The following MAL variants were observed in gnomAD, a reference collection of about 807,000 sequenced individuals.
The protein encoded by MAL is myelin and lymphocyte protein.
Under a neutral mutation model 16.7 loss-of-function variants are expected in MAL, and 5 were observed. That is an observed-to-expected ratio of 0.30 (90% CI 0.16 to 0.63). The LOEUF is 0.63. Ranked by LOEUF, MAL falls within the 30% of genes least tolerant of loss-of-function variation. The pLI, the probability that MAL is intolerant of heterozygous loss-of-function variation, is 0.82. For synonymous variants in MAL, 96 were observed against 85.5 expected, an observed-to-expected ratio of 1.12 and a Z score of -0.67; for missense variants, 202 against 195.8, an observed-to-expected ratio of 1.03 and a Z score of -0.19.
In MAL at chr2:95,038,236, C is replaced by T. The variant is rs1445012118; in HGVS notation, c.94-9723C>T. On this transcript the variant is annotated intron_variant, in intron 1 of 3. Coordinates refer to ENST00000309988, the MANE Select transcript of MAL (RefSeq NM_002371.4). ...ACTCAGTGAGTGAGTGACTGAGTGA[C>T]TGAGTGTGTGAGTGACTGACTGAGT... Among the ~76,000 whole-genome samples the T allele has an allele frequency of 7.6e-5, 8 of 105,722 alleles. 1 individual carries two copies. Among genetic ancestry groups the T allele is most frequent in the African/African-American group, 2.1e-4 (6 of 28,612 alleles). The allele number at this position is 105,722 out of a possible 152,430, so 69.4% of individuals were successfully genotyped here. A position where few individuals can be genotyped will look rare whatever the true frequency, so the allele number is the denominator to read the frequency against.
chr2:95,041,078 C>T (rs746865195), intron 1 of MAL, among the ~76,000 whole-genome samples: 1 of 152,074 alleles, frequency 6.6e-6, no homozygotes, highest in Non-Finnish European at 1.5e-5. Context: ...TGAAATGGAG[C>T]CCCAGAAAAA....
At chr2:95,045,657 A>G (rs1364686412) in intron 1 of MAL, among the ~76,000 whole-genome samples, 2 of 152,204 alleles carry the variant, frequency 1.3e-5, no homozygotes, top group Non-Finnish European at 2.9e-5. Context: ...CCACCAGGCA[A>G]AAGGCACTTA....
chr2:95,038,267 A>G (rs2104343114), intron 1 of MAL, among the ~76,000 whole-genome samples: 1 of 150,458 alleles, frequency 6.6e-6, no homozygotes, highest in African/African-American at 2.5e-5. Flanking sequence ...TGAGTGAGTG[A>G]GAGACTGAGT....
chr2:95,033,052 C>G (rs766941241), intron 1 of MAL, among the ~76,000 whole-genome samples: 6 of 152,314 alleles, frequency 3.9e-5, no homozygotes, highest in Non-Finnish European at 8.8e-5. Context: ...GCCACAGCCT[C>G]CAGTCCCTGT....
intron 1 of MAL, among the ~76,000 whole-genome samples, chr2:95,035,828 C>T (rs1211742119): frequency 1.3e-5 from 2 of 152,062 alleles, no homozygotes; most frequent in East Asian, 3.9e-4. Flanking sequence ...CACCACCACA[C>T]CCGGCTAATT....
intron 1 of MAL, among the ~76,000 whole-genome samples, chr2:95,036,483 G>A (rs1189731594): frequency 6.6e-6 from 1 of 152,252 alleles, no homozygotes; most frequent in Admixed American, 6.5e-5. Flanking sequence ...AAGACTGCAT[G>A]AGAGAGGAGA....
chr2:95,043,149 C>T (rs527926970), intron 1 of MAL, among the ~76,000 whole-genome samples: 1 of 152,368 alleles, frequency 6.6e-6, no homozygotes, highest in South Asian at 2.1e-4. Flanking sequence ...TGGAGAGCCC[C>T]TCCCAGTCCT....
Position 95,047,965 on chromosome 2 carries a change from G to A in MAL, c.100G>A (p.Gly34Arg), listed in dbSNP as rs752335452. 72 of 1,613,192 alleles carry A rather than the reference G, an allele frequency of 4.5e-5. No homozygotes were observed. Among genetic ancestry groups the A allele is most frequent in the Non-Finnish European group, 5.8e-5 (69 of 1,179,638 alleles). ...CCCTCCTCCTCCCCCGCAGATCTTC[G>A]GGGGCCTGGTGTGGATCCTGGTGGC... Reference protein sequence around the residue: ...DLLFIFEFIFGGLVWILVASS... With the variant: ...DLLFIFEFIFRGLVWILVASS... Residue 34 changes from glycine to arginine, a missense_variant, in exon 2 of 4, where the codon GGG (glycine) becomes AGG (arginine). By Grantham distance (125) the Gly-to-Arg change is moderately radical (BLOSUM62 -2). Coordinates refer to ENST00000309988, the MANE Select transcript of MAL (RefSeq NM_002371.4).
At position 95,025,946 on chromosome 2, in the gene MAL, C is replaced by T; in HGVS notation, c.93+61C>T. Reference sequence around the variant, plus strand: ...GCTGAGCCGTGCGCTCTCTCGGGCGCCCAGCACAGCTGTCGGACGGGATCC... The same window carrying T: ...GCTGAGCCGTGCGCTCTCTCGGGCGTCCAGCACAGCTGTCGGACGGGATCC... On this transcript the variant is annotated intron_variant, in intron 1 of 3. Transcript: ENST00000309988. The surrounding 1 kb of genome is among the most constrained non-coding windows in gnomAD (Gnocchi z 5.6). 7.2e-7 allele frequency: 1 copy of T among 1,394,736 alleles called. No individual in the cohort carries two copies. The highest frequency in any genetic ancestry group is 9.8e-7 in the Non-Finnish European group (1 of 1,025,196). The allele number at this position is 1,394,736 out of a possible 1,614,324, so 86.4% of individuals were successfully genotyped here. A position where few individuals can be genotyped will look rare whatever the true frequency, so the allele number is the denominator to read the frequency against.
chr2:95,045,275 C>G (rs537275982), intron 1 of MAL, among the ~76,000 whole-genome samples: 2 of 152,274 alleles, frequency 1.3e-5, no homozygotes, highest in Admixed American at 1.3e-4. Flanking sequence ...CGCCTCTGGC[C>G]CACGGGGTCC....
chr2:95,044,224 A>T (rs2104353775), intron 1 of MAL: 1 of 152,358 alleles, frequency 6.6e-6, no homozygotes, highest in Admixed American at 6.5e-5. Flanking sequence ...AAGTTTGTAG[A>T]GATAGAAAGT....
At chr2:95,051,110 G>A (rs1674705171) in intron 3 of MAL, among the ~76,000 whole-genome samples, 1 of 152,190 alleles carries the variant, frequency 6.6e-6, no homozygotes, top group African/African-American at 2.4e-5. Flanking sequence ...CCAGCTAGGG[G>A]AATGAACACC....
At chr2:95,033,305 C>G (rs116258011) in intron 1 of MAL, among the ~76,000 whole-genome samples, 2 of 152,140 alleles carry the variant, frequency 1.3e-5, no homozygotes, top group African/African-American at 4.8e-5. Flanking sequence ...CTGCATCTGC[C>G]GAAGAGGGAG....
intron 3 of MAL, 91 bp from the exon 4 acceptor site, chr2:95,053,290 C>T: frequency 1.1e-6 from 1 of 881,840 alleles, no homozygotes. Context: ...GGTCTGGCCC[C>T]CCCTACGCCA....
intron 1 of MAL, among the ~76,000 whole-genome samples, chr2:95,043,292 T>C (rs1425439443): frequency 6.6e-6 from 1 of 152,268 alleles, no homozygotes; most frequent in African/African-American, 2.4e-5. Context: ...TGCATCTGTT[T>C]CCACTGAGCT....
chr2:95,051,051 C>A (rs955517504), intron 3 of MAL, among the ~76,000 whole-genome samples: 22 of 152,162 alleles, frequency 1.4e-4, no homozygotes, highest in Non-Finnish European at 1.2e-4. Flanking sequence ...ACAAAGGTTG[C>A]GAAATGTAGA....
intron 1 of MAL, among the ~76,000 whole-genome samples, chr2:95,046,404 T>A (rs1312113305): frequency 6.6e-6 from 1 of 151,558 alleles, no homozygotes; most frequent in Non-Finnish European, 1.5e-5. Context: ...TGATTCTTAC[T>A]GGGTGGGGGT....
intron 1 of MAL, among the ~76,000 whole-genome samples, chr2:95,047,264 A>G (rs2104358320): frequency 1.3e-5 from 2 of 152,332 alleles, no homozygotes; most frequent in Admixed American, 1.3e-4. Flanking sequence ...GAATTACTTA[A>G]CTTCCACCTA....
At chr2:95,046,916 GAGAA>G (rs927909812) in intron 1 of MAL, among the ~76,000 whole-genome samples, 19 of 147,648 alleles carry the variant, frequency 1.3e-4, no homozygotes, top group African/African-American at 4.3e-4. Context: ...GAGAAAGAGA[GAGAA>G]AGAAAGAGAG....
Sources: allele counts gnomAD v4.1 joint callset (sites outside exome capture counted in the v4.1 genomes callset), GRCh38; gene constraint gnomAD v4.1.1; non-coding constraint Gnocchi (gnomAD v3.1); transcripts MANE v1.5; gene names NCBI Gene and HGNC (gene_info 2026-07-23, HGNC 2026-07-21).